Variants in PHACTR4 observed in about 807,000 individuals in gnomAD.
PHACTR4 encodes protein phosphatase 1, regulatory subunit 124.
PHACTR4 carries 51 observed loss-of-function variants against 72.7 expected under a neutral mutation model. The ratio of observed to expected loss-of-function variants is 0.70; its 90% confidence interval spans 0.56 to 0.89. The LOEUF (loss-of-function observed/expected upper bound fraction) is 0.89. PHACTR4 is among the 40% of genes least tolerant of loss of function. The pLI, the probability that PHACTR4 is intolerant of heterozygous loss-of-function variation, is 0.00. For synonymous variants in PHACTR4, 255 were observed against 302.5 expected (o/e 0.84, Z 1.63); for missense variants, 731 against 861.8 (o/e 0.85, Z 1.90).
chr1:28,374,174 G>A (rs1380752916), intron 1 of PHACTR4, among the ~76,000 whole-genome samples: 2 of 152,106 alleles, frequency 1.3e-5, no homozygotes, highest in Admixed American at 6.6e-5. Flanking sequence ...TTTATGCAAC[G>A]CTCAAAAAGT....
chr1:28,484,520 GTATA>G (rs1295565905), intron 9 of PHACTR4, among the ~76,000 whole-genome samples: 2 of 150,776 alleles, frequency 1.3e-5, no homozygotes, highest in African/African-American at 4.9e-5. Flanking sequence ...GTGTGTATGT[GTATA>G]TATGTGTGTA....
At chr1:28,381,238 C>T (rs1276304691) in intron 1 of PHACTR4, among the ~76,000 whole-genome samples, 1 of 150,782 alleles carries the variant, frequency 6.6e-6, no homozygotes, top group African/African-American at 2.4e-5. Flanking sequence ...ATCCTGACCT[C>T]GTGATCTGCC....
chr1:28,370,247 C>G (rs1045323528), intron 1 of PHACTR4, among the ~76,000 whole-genome samples: 2 of 152,222 alleles, frequency 1.3e-5, no homozygotes, highest in Admixed American at 6.5e-5. Context: ...TCAAAACCGT[C>G]CTGCCTCAGA....
At position 28,474,054 on chromosome 1, in the gene PHACTR4, C is replaced by T. The variant is rs1440778373; in HGVS notation, c.1324C>T (p.His442Tyr). The part of the protein sequence containing the change: ...TPILEGSHRA[H>Y]SLLFENSDSF... Reference sequence around the variant, plus strand: ...TATTCTGGAGGGTTCTCACAGAGCTCATTCGTTGCTTTTTGAAAACAGTGA... The same window carrying T: ...TATTCTGGAGGGTTCTCACAGAGCTTATTCGTTGCTTTTTGAAAACAGTGA... The change falls in exon 7 of 14, where the codon CAT (histidine) becomes TAT (tyrosine). Residue 442 changes from histidine to tyrosine, a missense_variant. This residue lies in a region of PHACTR4 where 621 missense variants were observed against 676.6 expected (regional missense o/e 0.92). Transcript: ENST00000373839. 1 of 1,614,174 alleles carries T rather than the reference C, an allele frequency of 6.2e-7. No homozygotes were observed. The highest frequency in any genetic ancestry group is 1.1e-5 in the South Asian group (1 of 91,084).
intron 6 of PHACTR4, among the ~76,000 whole-genome samples, chr1:28,468,913 A>G (rs530548681): frequency 9.2e-5 from 14 of 152,332 alleles, no homozygotes; most frequent in African/African-American, 2.6e-4. Flanking sequence ...GGCAACATAT[A>G]AAATGATAAT....
At chr1:28,444,948 CTATT>C (rs1275368651) in intron 2 of PHACTR4, among the ~76,000 whole-genome samples, 1 of 143,968 alleles carries the variant, frequency 6.9e-6, no homozygotes, top group South Asian at 2.2e-4. Context: ...TATTATTTAA[CTATT>C]TATTTATTTA....
intron 2 of PHACTR4, among the ~76,000 whole-genome samples, chr1:28,430,152 A>T (rs574647121): frequency 2.0e-5 from 3 of 151,950 alleles, no homozygotes; most frequent in Non-Finnish European, 4.4e-5. Context: ...CCTCCCGAGT[A>T]GCTGGGACTA....
chr1:28,466,529 C>A lies in PHACTR4; in HGVS notation c.584C>A (p.Thr195Lys), dbSNP rs771435242. 6.2e-7 allele frequency: 1 copy of A among 1,614,102 alleles called. No individual in the cohort carries two copies. The highest frequency in any genetic ancestry group is 1.7e-5 in the Admixed American group (1 of 59,996). The change falls in exon 6 of 14, where the codon ACG (threonine) becomes AAG (lysine). Residue 195 changes from threonine (T) to lysine (K), a missense_variant. Coordinates refer to ENST00000373839, the MANE Select transcript of PHACTR4 (RefSeq NM_001048183.3). ...AAGGATGCCACTTCCTCTGGCGGCA[C>A]GGCAAGGTTCATCATCTCCACCTCC... ...QAKDATSSGG[T>K]ARFIISTSIT...
At chr1:28,406,118 A>G (rs1036555498) in intron 1 of PHACTR4, among the ~76,000 whole-genome samples, 1 of 152,162 alleles carries the variant, frequency 6.6e-6, no homozygotes, top group Non-Finnish European at 1.5e-5. Context: ...AATTTGACTG[A>G]TAAGATTGTA....
chr1:28,472,907 G>C (rs1303939700), intron 6 of PHACTR4, among the ~76,000 whole-genome samples: 6 of 145,738 alleles, frequency 4.1e-5, no homozygotes, highest in African/African-American at 1.0e-4. Flanking sequence ...GTGAGCCACC[G>C]TGCCAGCCAC....
At chr1:28,400,758 T>A (rs1653883919) in intron 1 of PHACTR4, among the ~76,000 whole-genome samples, 1 of 152,118 alleles carries the variant, frequency 6.6e-6, no homozygotes, top group South Asian at 2.1e-4. Context: ...TTTTGTAGTT[T>A]TAGTAGAGAC....
chr1:28,394,278 C>A (rs1319568555), intron 1 of PHACTR4, among the ~76,000 whole-genome samples: 55 of 120,492 alleles, frequency 4.6e-4, no homozygotes, highest in African/African-American at 6.6e-4. Context: ...GAAAGAGGGA[C>A]GGAGGGAAGG....
At chr1:28,429,303 ATC>A (rs1267133363) in intron 2 of PHACTR4, among the ~76,000 whole-genome samples, 3 of 152,196 alleles carry the variant, frequency 2.0e-5, no homozygotes, top group Admixed American at 2.0e-4. Flanking sequence ...CATATGACAA[ATC>A]TATCCCCTTT....
intron 2 of PHACTR4, among the ~76,000 whole-genome samples, chr1:28,449,869 C>A (rs1421832644): frequency 1.3e-5 from 2 of 151,638 alleles, no homozygotes; most frequent in Non-Finnish European, 2.9e-5. Context: ...AAAAAATCAC[C>A]CCTGAAATTC....
At chr1:28,470,336 T>C (rs1053933112) in intron 6 of PHACTR4, among the ~76,000 whole-genome samples, 1 of 151,784 alleles carries the variant, frequency 6.6e-6, no homozygotes, top group Non-Finnish European at 1.5e-5. Flanking sequence ...AAGGCTGCAG[T>C]GAGTTATGAT....
At chr1:28,469,797 T>A (rs1240429432) in intron 6 of PHACTR4, among the ~76,000 whole-genome samples, 1 of 152,178 alleles carries the variant, frequency 6.6e-6, no homozygotes, top group Non-Finnish European at 1.5e-5. Context: ...GGCTCATGCC[T>A]GTAATCCCAG....
At chr1:28,387,258 T>TAAA (rs1235989287) in intron 1 of PHACTR4, among the ~76,000 whole-genome samples, 1 of 69,250 alleles carries the variant, frequency 1.4e-5, no homozygotes, top group African/African-American at 9.9e-5. Flanking sequence ...AGACCCTGTC[T>TAAA]CAAAAAAAAA....
intron 3 of PHACTR4, among the ~76,000 whole-genome samples, chr1:28,459,953 G>A (rs1337133953): frequency 2.0e-5 from 3 of 152,110 alleles, no homozygotes; most frequent in East Asian, 1.9e-4. Context: ...AAGTTCATCC[G>A]TAAATAACTT....
intron 1 of PHACTR4, among the ~76,000 whole-genome samples, chr1:28,384,453 G>A (rs190935939): frequency 1.3e-5 from 2 of 152,240 alleles, no homozygotes; most frequent in Non-Finnish European, 2.9e-5. Context: ...GTACATAGAG[G>A]TGTTCATAAT....
Sources: allele counts gnomAD v4.1 joint callset (sites outside exome capture counted in the v4.1 genomes callset), GRCh38; gene constraint gnomAD v4.1.1; regional missense constraint gnomAD v4.1.1; transcripts MANE v1.5; gene names NCBI Gene and HGNC (gene_info 2026-07-23, HGNC 2026-07-21).